The following KREMEN1 variants were observed in gnomAD, a reference collection of about 807,000 sequenced individuals.
KREMEN1 encodes kringle containing transmembrane protein 1.
Under a neutral mutation model 46.5 loss-of-function variants are expected in KREMEN1, and 30 were observed. The ratio of observed to expected loss-of-function variants is 0.65; its 90% CI spans 0.48 to 0.88. The LOEUF (loss-of-function observed/expected upper bound fraction) is 0.88. Ranked by LOEUF, KREMEN1 falls within the 40% of genes least tolerant of loss-of-function variation. KREMEN1 has a pLI of 0.00. For synonymous variants in KREMEN1, 214 were observed against 230.6 expected, an observed-to-expected ratio of 0.93 and a Z score of 0.65; for missense variants, 533 against 596.9, an observed-to-expected ratio of 0.89 and a Z score of 1.11.
At position 29,142,458 on chromosome 22, in the gene KREMEN1, T is replaced by TAG; in HGVS notation, c.*348_*349dup. Reference sequence around the variant, plus strand: ...GCTGGCACAGGGCTCAGGTACATTCTAGATGGCTGTCAGGTGGTGGGTAGC... The same window carrying TAG: ...GCTGGCACAGGGCTCAGGTACATTCTAGAGATGGCTGTCAGGTGGTGGGTAGC... On this transcript the variant is annotated 3_prime_UTR_variant, in exon 9 of 9. Coordinates refer to ENST00000400335, the MANE Select transcript of KREMEN1 (RefSeq NM_001039570.3). 1 of 1,034,792 alleles carries TAG rather than the reference T, an allele frequency of 9.7e-7. No homozygotes were observed. The highest frequency in any genetic ancestry group is 1.2e-6 in the Non-Finnish European group (1 of 862,970). 64.1% of individuals were successfully genotyped at this position (1,034,792 alleles called of 1,614,324 possible). A position where few individuals can be genotyped will look rare whatever the true frequency, so the allele number is the denominator to read the frequency against.
At chr22:29,140,201 C>A in intron 7 of KREMEN1, 81 bp from the exon 8 acceptor site, 1 of 1,055,402 alleles carries the variant, frequency 9.5e-7, no homozygotes, top group South Asian at 1.3e-5. Flanking sequence ...GCCAGACTTA[C>A]TCACTTGGGT....
Position 29,107,218 on chromosome 22 carries a change from C to CT in KREMEN1, c.352+8287dup, listed in dbSNP as rs1188000476. Among the ~76,000 whole-genome samples the CT allele has an allele frequency of 7.4e-3, 826 of 111,830 alleles. 8 individuals are homozygous for CT. The highest frequency in any genetic ancestry group is 1.0e-2 in the Non-Finnish European group (586 of 58,662). 73.4% of individuals were successfully genotyped at this position (111,830 alleles called of 152,430 possible). Reference sequence around the variant, plus strand: ...GACACATCCCCGTGTACCATTTATACTTTTTTTTTTTTTTTTTTTTTTGAG... The same window carrying CT: ...GACACATCCCCGTGTACCATTTATACTTTTTTTTTTTTTTTTTTTTTTTGAG... On this transcript the variant is annotated intron_variant, in intron 3 of 8. Transcript: ENST00000400335.
chr22:29,143,011 G>A lies in KREMEN1; in HGVS notation c.*899G>A, dbSNP rs1026409134. 28 of 470,428 alleles carry A rather than the reference G, an allele frequency of 6.0e-5. No individual in the cohort carries two copies. The highest frequency in any genetic ancestry group is 1.3e-4 in the Admixed American group (2 of 15,612). 29.1% of individuals were successfully genotyped at this position (470,428 alleles called of 1,614,324 possible). A position where few individuals can be genotyped will look rare whatever the true frequency, so the allele number is the denominator to read the frequency against. On this transcript the variant is annotated 3_prime_UTR_variant, in exon 9 of 9. Coordinates refer to ENST00000400335, the MANE Select transcript of KREMEN1 (RefSeq NM_001039570.3). Reference sequence around the variant, plus strand: ...CTAAAAATATAAAAATTAGTCAGGCGTGGTGGCAGGCGCCTGTAATCCCAG... The same window carrying A: ...CTAAAAATATAAAAATTAGTCAGGCATGGTGGCAGGCGCCTGTAATCCCAG...
At chr22:29,076,026 A>C (rs2037564381) in intron 1 of KREMEN1, among the ~76,000 whole-genome samples, 1 of 152,202 alleles carries the variant, frequency 6.6e-6, no homozygotes, top group Non-Finnish European at 1.5e-5. Context: ...ATAAGAAGGA[A>C]AGTAGAAGGT....
rs942564438 is a variant in KREMEN1 at position 29,155,232 on chromosome 22, G to T, written c.1417-11812G>T. ...CTTATTGTGGTCACCTTTGGAAAAGGAAAGGAAGAAGACAGGAGGAGGCCA... is the reference window on the plus strand; with the variant it reads ...CTTATTGTGGTCACCTTTGGAAAAGTAAAGGAAGAAGACAGGAGGAGGCCA... On this transcript the variant is annotated intron_variant, in intron 9 of 9. Transcript: ENST00000327813. Among the ~76,000 whole-genome samples the T allele has an allele frequency of 3.3e-5, 5 of 152,194 alleles. No individual in the cohort carries two copies. The South Asian group carries it at 8.3e-4, about 25-fold the overall frequency.
In KREMEN1 at chr22:29,140,220, C is replaced by G. The variant is rs191307377; in HGVS notation, c.1124-62C>G. 18 of 1,328,512 alleles carry G rather than the reference C, an allele frequency of 1.4e-5. No homozygotes were observed. The East Asian group carries it at 4.1e-4, about 31-fold the overall frequency. The allele number at this position is 1,328,512 out of a possible 1,614,324, so 82.3% of individuals were successfully genotyped here. ...GACTTACTCACTTGGGTATTCCAGCCGACCTCCTTTCGAAAACCAACCATA... is the reference window on the plus strand; with the variant it reads ...GACTTACTCACTTGGGTATTCCAGCGGACCTCCTTTCGAAAACCAACCATA... On this transcript the variant is annotated intron_variant, in intron 7 of 8. Coordinates refer to ENST00000400335, the MANE Select transcript of KREMEN1 (RefSeq NM_001039570.3).
intron 9 of KREMEN1, among the ~76,000 whole-genome samples, chr22:29,160,258 T>C (rs1246471468): frequency 6.6e-6 from 1 of 151,566 alleles, no homozygotes; most frequent in Non-Finnish European, 1.5e-5. Context: ...CGGCTGGGTG[T>C]GGTGGCTCAC....
chr22:29,094,452 A>G (rs1209133926), intron 2 of KREMEN1, 32 bp downstream of exon 2: 28 of 1,579,312 alleles, frequency 1.8e-5, no homozygotes, highest in Non-Finnish European at 2.3e-5. Context: ...CTTTAAAAAG[A>G]TAGATATATA....
intron 2 of KREMEN1, 78 bp downstream of exon 2, chr22:29,094,498 C>A: frequency 7.4e-7 from 1 of 1,360,042 alleles, no homozygotes; most frequent in Non-Finnish European, 1.0e-6. Flanking sequence ...CATCCCAGCT[C>A]ACAACTAGGG....
At chr22:29,151,695 T>G (rs1443452341), downstream of KREMEN1, among the ~76,000 whole-genome samples, 1 of 152,162 alleles carries the variant, frequency 6.6e-6, no homozygotes, top group Non-Finnish European at 1.5e-5. Flanking sequence ...TTCTTTTGAT[T>G]TTTTCCCCCC....
At chr22:29,085,903 A>G (rs1344198631) in intron 1 of KREMEN1, among the ~76,000 whole-genome samples, 1 of 151,876 alleles carries the variant, frequency 6.6e-6, no homozygotes, top group East Asian at 1.9e-4. Context: ...CCCAGGAGGT[A>G]GAGGCCGCAG....
chr22:29,092,947 C>A (rs566981401), intron 1 of KREMEN1, among the ~76,000 whole-genome samples: 1 of 152,182 alleles, frequency 6.6e-6, no homozygotes, highest in African/African-American at 2.4e-5. Context: ...TGCACTCCAG[C>A]CTGGGCAACA....
At chr22:29,155,936 G>T (rs182545700) in intron 9 of KREMEN1, among the ~76,000 whole-genome samples, 2 of 149,498 alleles carry the variant, frequency 1.3e-5, no homozygotes, top group African/African-American at 4.9e-5. Context: ...TCCAGCCTGG[G>T]CAACAAGAGT....
intron 3 of KREMEN1, among the ~76,000 whole-genome samples, chr22:29,120,754 C>T (rs1365203582): frequency 7.1e-6 from 1 of 141,338 alleles, no homozygotes; most frequent in Non-Finnish European, 1.6e-5. Flanking sequence ...GAACTTGGCT[C>T]CACTAACACC....
intron 1 of KREMEN1, among the ~76,000 whole-genome samples, chr22:29,088,348 G>A (rs902611552): frequency 6.6e-6 from 1 of 151,264 alleles, no homozygotes; most frequent in East Asian, 1.9e-4. Flanking sequence ...CATATTTTGA[G>A]ATGGGGTTCC....
At chr22:29,113,767 C>G (rs1460086518) in intron 3 of KREMEN1, among the ~76,000 whole-genome samples, 1 of 152,134 alleles carries the variant, frequency 6.6e-6, no homozygotes, top group East Asian at 1.9e-4. Flanking sequence ...AGGAAGGGAG[C>G]AAGCAAAACC....
chr22:29,129,101 A>G (rs560233551), intron 5 of KREMEN1, among the ~76,000 whole-genome samples: 109 of 152,316 alleles, frequency 7.2e-4, no homozygotes, highest in Non-Finnish European at 1.2e-3. Context: ...TGTGGTCTAC[A>G]GGACCCCTGA....
chr22:29,111,935 G>T (rs1390642065), intron 3 of KREMEN1, among the ~76,000 whole-genome samples: 1 of 152,166 alleles, frequency 6.6e-6, no homozygotes, highest in African/African-American at 2.4e-5. Flanking sequence ...ACCAGGACTA[G>T]AACTCATTCA....
At chr22:29,139,335 C>T (rs1027425251) in intron 7 of KREMEN1, among the ~76,000 whole-genome samples, 8 of 152,202 alleles carry the variant, frequency 5.3e-5, no homozygotes, top group Admixed American at 4.6e-4. Context: ...GGTGCAGTGG[C>T]TCATGCCTGT....
Sources: allele counts gnomAD v4.1 joint callset (sites outside exome capture counted in the v4.1 genomes callset), GRCh38; gene constraint gnomAD v4.1.1; transcripts MANE v1.5; gene names NCBI Gene and HGNC (gene_info 2026-07-23, HGNC 2026-07-21).